The following ADD2 variants were observed in gnomAD, a reference collection of about 807,000 sequenced individuals.
ADD2 encodes beta-adducin.
Under a neutral mutation model 83.0 loss-of-function variants are expected in ADD2, and 23 were observed. The ratio of observed to expected loss-of-function variants is 0.28; its 90% CI spans 0.20 to 0.39. The LOEUF (loss-of-function observed/expected upper bound fraction) is 0.39. ADD2 is among the 10% of genes least tolerant of loss of function. ADD2 has a pLI of 1.00. For missense variants in ADD2, 758 were observed against 944.9 expected, an observed-to-expected ratio of 0.80 and a Z score of 2.59; for synonymous variants, 375 against 375.4, an observed-to-expected ratio of 1.00 and a Z score of 0.01.
In ADD2 at chr2:70,676,099, C is replaced by G; in HGVS notation, c.1593+697G>C. The stretch of plus-strand genomic sequence containing the variant: ...ATTTGCCCTGCAGAGAGGAACATTT[C>G]CTGTATTTCCCCAATTTTTACTGCT... On this transcript the variant is annotated intron_variant, in intron 13 of 15. Coordinates refer to ENST00000264436, the MANE Select transcript of ADD2 (RefSeq NM_001617.4). This position sits in a 1 kb window ranked among gnomAD's most constrained non-coding sequence, Gnocchi z 4.8. The G allele has an allele frequency of 1.0e-6, 1 of 985,392 alleles. No homozygotes were observed. The allele number at this position is 985,392 out of a possible 1,614,324, so 61.0% of individuals were successfully genotyped here.
intron 6 of ADD2, among the ~76,000 whole-genome samples, chr2:70,693,642 G>A (rs560368812): frequency 4.6e-5 from 7 of 152,144 alleles, no homozygotes; most frequent in African/African-American, 9.7e-5. Context: ...TCAAAGCAGC[G>A]TGACCCCTAA....
At position 70,664,803 on chromosome 2, in the gene ADD2, G is replaced by T. The variant is rs138078248; in HGVS notation, c.1871-1068C>A. Among the ~76,000 whole-genome samples the T allele has an allele frequency of 2.6e-5, 4 of 152,116 alleles. No individual in the cohort carries two copies. In the East Asian group the frequency reaches 7.7e-4, roughly 29 times the overall value. On this transcript the variant is annotated intron_variant, in intron 15 of 15. Coordinates refer to ENST00000264436, the MANE Select transcript of ADD2 (RefSeq NM_001617.4). ...GGCAGGTTGTGTGTGGTGTAAGTGT[G>T]TAAGTTTGAGTATGCAAGTGAGATT...
chr2:70,740,007 C>A (rs1553380794), intron 1 of ADD2, among the ~76,000 whole-genome samples: 1 of 152,006 alleles, frequency 6.6e-6, no homozygotes, highest in Non-Finnish European at 1.5e-5. Context: ...TGCACATGTA[C>A]CCCTGAACCT....
chr2:70,722,576 G>A (rs1672783465), intron 1 of ADD2, among the ~76,000 whole-genome samples: 1 of 152,180 alleles, frequency 6.6e-6, no homozygotes, highest in South Asian at 2.1e-4. Context: ...CTGGATTCAG[G>A]GCTTATCAGT....
chr2:70,766,686 C>A (rs547383543), intron 1 of ADD2, among the ~76,000 whole-genome samples: 50 of 152,230 alleles, frequency 3.3e-4, no homozygotes, highest in Admixed American at 7.9e-4. Context: ...GTTGCTTGCA[C>A]CCTCTCCAAT....
intron 15 of ADD2, among the ~76,000 whole-genome samples, chr2:70,669,197 G>A (rs1669799041): frequency 6.6e-6 from 1 of 152,188 alleles, no homozygotes; most frequent in Non-Finnish European, 1.5e-5. Context: ...TGCTGGCCAC[G>A]CAGAGAGGTT....
intron 9 of ADD2, among the ~76,000 whole-genome samples, chr2:70,684,561 T>C (rs148164171): frequency 3.9e-5 from 6 of 152,340 alleles, no homozygotes; most frequent in African/African-American, 1.2e-4. Context: ...TCCTATATTT[T>C]TTTAAAAGTC....
At chr2:70,722,066 G>A (rs1672754570) in intron 1 of ADD2, among the ~76,000 whole-genome samples, 1 of 152,190 alleles carries the variant, frequency 6.6e-6, no homozygotes, top group African/African-American at 2.4e-5. Context: ...TGGAGACCCA[G>A]GCCAGCCTCA....
At chr2:70,726,186 CAAAAA>C (rs34333514) in intron 1 of ADD2, among the ~76,000 whole-genome samples, 4 of 45,486 alleles carry the variant, frequency 8.8e-5, no homozygotes, top group African/African-American at 1.6e-4. Context: ...GACTCCATCT[CAAAAA>C]AAAAAAAAAA....
At chr2:70,767,543 C>T in intron 1 of ADD2, 1 of 885,136 alleles carries the variant, frequency 1.1e-6, no homozygotes, top group Non-Finnish European at 1.4e-6. Context: ...GGAGCGGCCC[C>T]GCCCGGCTAG....
At chr2:70,716,924 T>C (rs1553376447) in intron 1 of ADD2, among the ~76,000 whole-genome samples, 1 of 152,114 alleles carries the variant, frequency 6.6e-6, no homozygotes, top group East Asian at 1.9e-4. Flanking sequence ...CATTAACAAA[T>C]CCGACATTAA....
At chr2:70,711,611 T>C (rs1225596029) in intron 2 of ADD2, among the ~76,000 whole-genome samples, 1 of 152,016 alleles carries the variant, frequency 6.6e-6, no homozygotes, top group African/African-American at 2.4e-5. Flanking sequence ...CAGCAAGGTG[T>C]GGGGGAACTT....
At chr2:70,698,967 T>C (rs1671445802) in intron 4 of ADD2, among the ~76,000 whole-genome samples, 1 of 152,102 alleles carries the variant, frequency 6.6e-6, no homozygotes, top group South Asian at 2.1e-4. Flanking sequence ...GGGCTTGAAC[T>C]CTTGGTACTT....
intron 5 of ADD2, 53 bp downstream of exon 5, chr2:70,696,192 G>A: frequency 6.3e-7 from 1 of 1,583,134 alleles, no homozygotes; most frequent in Admixed American, 1.8e-5. Flanking sequence ...CTCCCTTTGG[G>A]TTTTGTGGGA....
At chr2:70,727,100 C>A (rs577030034) in intron 1 of ADD2, among the ~76,000 whole-genome samples, 1 of 152,196 alleles carries the variant, frequency 6.6e-6, no homozygotes, top group Non-Finnish European at 1.5e-5. Flanking sequence ...TCCTTCTTCA[C>A]GCTCCGTGGG....
intron 15 of ADD2, among the ~76,000 whole-genome samples, chr2:70,665,821 T>G (rs528004157): frequency 2.2e-4 from 34 of 151,258 alleles, no homozygotes; most frequent in South Asian, 1.0e-3. Flanking sequence ...TTTTTTTGTT[T>G]TTTTTTTTTT....
At chr2:70,677,059 AG>A (rs1670189104) in intron 12 of ADD2, among the ~76,000 whole-genome samples, 174 bp from the exon 13 acceptor site, 1 of 152,178 alleles carries the variant, frequency 6.6e-6, no homozygotes, top group Non-Finnish European at 1.5e-5. Context: ...AGTCTGTTCC[AG>A]GGTGAATTAG....
At chr2:70,704,263 T>TCCCCCCCCCCCCCAC in intron 4 of ADD2, 58 bp downstream of exon 4, 2 of 913,238 alleles carry the variant, frequency 2.2e-6, no homozygotes, top group Non-Finnish European at 3.4e-6. Flanking sequence ...CTCCCTCTCT[T>TCCCCCCCCCCCCCAC]CCCCACCCCA....
chr2:70,682,141 T>G (rs953252091), intron 10 of ADD2, among the ~76,000 whole-genome samples: 33 of 152,256 alleles, frequency 2.2e-4, no homozygotes, highest in African/African-American at 8.0e-4. Flanking sequence ...TGTATATTAT[T>G]ATTTTACTAT....
Sources: allele counts gnomAD v4.1 joint callset (sites outside exome capture counted in the v4.1 genomes callset), GRCh38; gene constraint gnomAD v4.1.1; non-coding constraint Gnocchi (gnomAD v3.1); transcripts MANE v1.5; gene names NCBI Gene and HGNC (gene_info 2026-07-23, HGNC 2026-07-21).